Variants in DPYD observed in about 807,000 individuals in gnomAD.
DPYD encodes the protein dihydropyrimidine dehydrogenase [NADP(+)].
Under a neutral mutation model 116.2 loss-of-function variants are expected in DPYD, and 109 were observed. The observed-to-expected ratio is 0.94, with a 90% CI of 0.80 to 1.10. The LOEUF is 1.10. DPYD is among the 50% of genes least tolerant of loss of function. The pLI, the probability that DPYD is intolerant of heterozygous loss-of-function variation, is 0.00. For synonymous variants in DPYD, 440 were observed against 432.0 expected (o/e 1.02, Z -0.23); for missense variants, 1,302 against 1,254.5 (o/e 1.04, Z -0.57).
intron 16 of DPYD, among the ~76,000 whole-genome samples, chr1:97,323,878 A>T (rs1181115338): frequency 1.3e-5 from 2 of 151,774 alleles, no homozygotes; most frequent in Non-Finnish European, 2.9e-5. Flanking sequence ...AGGACACAGG[A>T]ACTATCCCCA....
chr1:97,409,220 C>A (rs1247805650), intron 14 of DPYD, among the ~76,000 whole-genome samples: 1 of 152,062 alleles, frequency 6.6e-6, no homozygotes, highest in Non-Finnish European at 1.5e-5. Context: ...TTAAATTCCC[C>A]AAATATGATT....
intron 18 of DPYD, among the ~76,000 whole-genome samples, chr1:97,287,942 T>C (rs1400891193): frequency 6.6e-6 from 1 of 151,192 alleles, no homozygotes; most frequent in Non-Finnish European, 1.5e-5. Flanking sequence ...AGGAAACCCA[T>C]CTCACGTGCA....
intron 20 of DPYD, among the ~76,000 whole-genome samples, chr1:97,190,625 C>T (rs893313735): frequency 2.6e-5 from 4 of 152,284 alleles, no homozygotes; most frequent in African/African-American, 9.6e-5. Context: ...CACCCAACTA[C>T]CTGCCCTTCA....
intron 3 of DPYD, among the ~76,000 whole-genome samples, chr1:97,762,227 A>G (rs1415543644): frequency 6.6e-6 from 1 of 152,186 alleles, no homozygotes; most frequent in African/African-American, 2.4e-5. Context: ...TCCAGAGAGG[A>G]CATAGTCAGA....
At chr1:97,796,571 T>C (rs1667580984) in intron 3 of DPYD, among the ~76,000 whole-genome samples, 1 of 152,050 alleles carries the variant, frequency 6.6e-6, no homozygotes, top group African/African-American at 2.4e-5. Flanking sequence ...AAAAATACTC[T>C]ACATTAATTG....
chr1:97,302,810 T>C (rs1319923923), intron 18 of DPYD, among the ~76,000 whole-genome samples: 1 of 152,042 alleles, frequency 6.6e-6, no homozygotes, highest in African/African-American at 2.4e-5. Flanking sequence ...CATTTCTTAT[T>C]CTATTTCATT....
rs930292908 is a variant in DPYD at position 97,696,162 on chromosome 1, GA to G, written c.680+3188del. On this transcript the variant is annotated intron_variant, in intron 6 of 22. Transcript: ENST00000370192. ...AGAAAGAAAAAAGAAAAGAAAAAAA[GA>G]AAAAAAAAAGGAAACTGAGAGGTAA... Among the ~76,000 whole-genome samples, 145 of 142,082 alleles carry G rather than the reference GA, an allele frequency of 1.0e-3. 1 individual carries two copies. Among genetic ancestry groups the G allele is most frequent in the South Asian group, 2.5e-3 (11 of 4,382 alleles). 93.2% of individuals were successfully genotyped at this position (142,082 alleles called of 152,430 possible). A position where few individuals can be genotyped will look rare whatever the true frequency, so the allele number is the denominator to read the frequency against.
chr1:97,208,634 C>T (rs1052473460), intron 19 of DPYD, among the ~76,000 whole-genome samples: 1 of 152,066 alleles, frequency 6.6e-6, no homozygotes, highest in Non-Finnish European at 1.5e-5. Context: ...TTCTCTATTA[C>T]TCAAAAACTA....
intron 8 of DPYD, among the ~76,000 whole-genome samples, chr1:97,611,479 T>C (rs561848928): frequency 2.2e-4 from 33 of 152,174 alleles, no homozygotes; most frequent in Non-Finnish European, 4.1e-4. Flanking sequence ...ATAAAATATC[T>C]TATTGTTGAA....
chr1:97,458,024 C>T (rs1161192479), intron 13 of DPYD, among the ~76,000 whole-genome samples: 1 of 152,098 alleles, frequency 6.6e-6, no homozygotes, highest in African/African-American at 2.4e-5. Context: ...TACACTCTGC[C>T]AAACGGTAAT....
intron 16 of DPYD, among the ~76,000 whole-genome samples, chr1:97,368,396 C>T (rs890595413): frequency 5.9e-5 from 9 of 152,058 alleles, no homozygotes; most frequent in South Asian, 2.1e-4. Context: ...TACTATGCCC[C>T]GTCATCAACT....
At chr1:97,450,028 T>C (rs1676321202) in intron 14 of DPYD, 31 bp downstream of exon 14, 10 of 1,613,296 alleles carry the variant, frequency 6.2e-6, no homozygotes, top group Non-Finnish European at 8.5e-6. Context: ...TTATGCCAAT[T>C]CTCTTGTTTT....
At position 97,793,165 on chromosome 1, in the gene DPYD, A is replaced by G. The variant is rs142459471; in HGVS notation, c.233+34949T>C. Reference sequence around the variant, plus strand: ...TTCTGTAACCCTAAAACTATTCCTAAGTTTTAAAATATGTTTTAAAAAACT... The same window carrying G: ...TTCTGTAACCCTAAAACTATTCCTAGGTTTTAAAATATGTTTTAAAAAACT... On this transcript the variant is annotated intron_variant, in intron 3 of 22. Transcript: ENST00000370192. 2.7e-3 allele frequency among the ~76,000 whole-genome samples: 418 copies of G among 152,292 alleles called. 2 individuals are homozygous for G. The highest frequency in any genetic ancestry group is 9.0e-3 in the African/African-American group (372 of 41,560).
At chr1:97,123,610 T>A (rs1652611438) in intron 20 of DPYD, among the ~76,000 whole-genome samples, 1 of 152,090 alleles carries the variant, frequency 6.6e-6, no homozygotes, top group Non-Finnish European at 1.5e-5. Context: ...TGTAAGAAAA[T>A]CCACAATCTA....
At chr1:97,564,180 G>A (rs895551976) in intron 11 of DPYD, among the ~76,000 whole-genome samples, 5 of 152,104 alleles carry the variant, frequency 3.3e-5, no homozygotes, top group Admixed American at 6.6e-5. Flanking sequence ...AAACAACATG[G>A]CAGCACATGA....
chr1:97,579,324 C>T (rs1412248240), intron 10 of DPYD, among the ~76,000 whole-genome samples: 2 of 152,140 alleles, frequency 1.3e-5, no homozygotes, highest in Admixed American at 6.5e-5. Flanking sequence ...ATCTGAAGAA[C>T]ATTCAAATTA....
At chr1:97,270,715 G>A (rs1664524494) in intron 18 of DPYD, among the ~76,000 whole-genome samples, 2 of 152,122 alleles carry the variant, frequency 1.3e-5, no homozygotes, top group Non-Finnish European at 2.9e-5. Flanking sequence ...GATAAACTTT[G>A]TCTGGTTATG....
intron 2 of DPYD, among the ~76,000 whole-genome samples, chr1:97,844,024 G>A (rs1411338181): frequency 1.3e-5 from 2 of 152,032 alleles, no homozygotes; most frequent in Non-Finnish European, 2.9e-5. Context: ...GGGAAATAAA[G>A]ATCTATTACA....
At chr1:97,555,219 C>A (rs1324625601) in intron 11 of DPYD, among the ~76,000 whole-genome samples, 1 of 151,980 alleles carries the variant, frequency 6.6e-6, no homozygotes, top group African/African-American at 2.4e-5. Flanking sequence ...TTAAACTGTC[C>A]TTCTTGGGCT....
Sources: gnomAD v4.1 joint callset for allele counts (sites outside exome capture counted in the v4.1 genomes callset) on GRCh38, gnomAD v4.1.1 for gene constraint, MANE v1.5 for transcripts, NCBI Gene and HGNC (gene_info 2026-07-23, HGNC 2026-07-21) for gene names.